TENM3: variants seen among roughly 807,000 people sequenced by gnomAD.
The protein encoded by TENM3 is teneurin transmembrane protein 3.
TENM3 carries 63 observed loss-of-function variants against 255.1 expected under a neutral mutation model. The observed-to-expected ratio is 0.25, with a 90% CI of 0.20 to 0.30. The LOEUF is 0.30. TENM3 is among the 10% of genes least tolerant of loss of function. The pLI, the probability that TENM3 is intolerant of heterozygous loss-of-function variation, is 1.00. For synonymous variants in TENM3, 1,306 were observed against 1,322.3 expected (o/e 0.99, Z 0.27); for missense variants, 2,929 against 3,461.1 (o/e 0.85, Z 3.86).
intron 3 of TENM3, among the ~76,000 whole-genome samples, chr4:182,431,998 C>A (rs989346269): frequency 6.6e-6 from 1 of 151,104 alleles, no homozygotes; most frequent in Non-Finnish European, 1.5e-5. Context: ...ATCGCTTGAA[C>A]CTGGGAGGTG....
At chr4:181,785,460 A>C in the TENM3 span, among the ~76,000 whole-genome samples, 2 of 152,152 alleles carry the variant, frequency 1.3e-5, no homozygotes, top group Non-Finnish European at 1.5e-5. Flanking sequence ...ATCCCTAAAA[A>C]GTGTGGTTCA....
the TENM3 span, among the ~76,000 whole-genome samples, chr4:182,051,478 C>T: frequency 7.3e-5 from 11 of 150,762 alleles, no homozygotes; most frequent in South Asian, 4.2e-4. Flanking sequence ...CCTGGGTTCA[C>T]GCCATTCTCC....
At chr4:182,250,246 G>A (rs928847388) in intron 1 of TENM3, among the ~76,000 whole-genome samples, 5 of 151,604 alleles carry the variant, frequency 3.3e-5, no homozygotes, top group South Asian at 2.1e-4. Flanking sequence ...TAGAGACGGG[G>A]TTTCACTGTG....
chr4:181,902,818 A>G, the TENM3 span, among the ~76,000 whole-genome samples: 1 of 152,172 alleles, frequency 6.6e-6, no homozygotes, highest in Admixed American at 6.5e-5. Context: ...AATGGGTGTT[A>G]TCCAGACACA....
intron 19 of TENM3, chr4:182,744,259 A>C: frequency 1.3e-6 from 1 of 758,554 alleles, no homozygotes; most frequent in Non-Finnish European, 1.6e-6. Context: ...ATATTTCATC[A>C]TGAGAGAGGA....
the TENM3 span, among the ~76,000 whole-genome samples, chr4:182,058,406 G>C: frequency 1.3e-5 from 2 of 151,960 alleles, no homozygotes; most frequent in South Asian, 2.1e-4. Context: ...AAGTTTTTAG[G>C]TGATATGTTG....
the TENM3 span, among the ~76,000 whole-genome samples, chr4:181,917,497 A>G: frequency 6.6e-6 from 1 of 152,126 alleles, no homozygotes; most frequent in Non-Finnish European, 1.5e-5. Flanking sequence ...CCTCAAGGGC[A>G]GAGAAGAAGC....
At chr4:181,864,853 A>G in the TENM3 span, among the ~76,000 whole-genome samples, 26 of 152,266 alleles carry the variant, frequency 1.7e-4, no homozygotes, top group Admixed American at 7.8e-4. Context: ...TCCTTTTCCC[A>G]AGACTCTGAA....
the TENM3 span, among the ~76,000 whole-genome samples, chr4:181,784,150 C>T: frequency 1.0e-3 from 143 of 139,398 alleles, no homozygotes; most frequent in Non-Finnish European, 1.7e-3. Flanking sequence ...TAAATGGAAA[C>T]GAGTCATCTG....
the TENM3 span, among the ~76,000 whole-genome samples, chr4:181,740,749 AG>A: frequency 1.3e-5 from 2 of 152,192 alleles, no homozygotes; most frequent in African/African-American, 4.8e-5. Context: ...GAAAATATCT[AG>A]GGGGGACCAC....
the TENM3 span, among the ~76,000 whole-genome samples, chr4:181,780,113 T>G: frequency 6.6e-6 from 1 of 152,208 alleles, no homozygotes; most frequent in South Asian, 2.1e-4. Context: ...GCATGTGTCT[T>G]TATAGCAGCA....
rs114882973 is a variant in TENM3, at chr4:182,184,320, T to C, written c.-76+39566T>C. Among the ~76,000 whole-genome samples, 475 of 152,272 alleles carry C rather than the reference T, an allele frequency of 3.1e-3. 3 individuals carry two copies. Among genetic ancestry groups the C allele is most frequent in the African/African-American group, 8.1e-3 (335 of 41,560 alleles). The stretch of plus-strand genomic sequence containing the variant: ...TCCACTGGGCCTCTGGGGAGTTACA[T>C]AGGATGTTTCTTTCTTTAAAGAGTT... On this transcript the variant is annotated intron_variant, in intron 1 of 2. Transcript: ENST00000512480.
At chr4:182,628,593 C>A in intron 4 of TENM3, 58 bp from the exon 5 acceptor site, 1 of 1,172,962 alleles carries the variant, frequency 8.5e-7, no homozygotes, top group Non-Finnish European at 1.2e-6. Context: ...ATCGCTGTCT[C>A]TTGTCTCTTG....
At chr4:181,581,365 T>G in the TENM3 span, among the ~76,000 whole-genome samples, 1 of 152,004 alleles carries the variant, frequency 6.6e-6, no homozygotes, top group Non-Finnish European at 1.5e-5. Flanking sequence ...CACTTGAACC[T>G]GGGAGGCGGA....
intron 1 of TENM3, among the ~76,000 whole-genome samples, chr4:182,250,265 G>C (rs1757929637): frequency 7.1e-6 from 1 of 141,120 alleles, no homozygotes; most frequent in Non-Finnish European, 1.5e-5. Flanking sequence ...TGTTAGCCAG[G>C]ATGGTCTCGA....
At chr4:181,563,051 C>T in the TENM3 span, among the ~76,000 whole-genome samples, 36 of 152,348 alleles carry the variant, frequency 2.4e-4, no homozygotes, top group East Asian at 5.8e-4. Context: ...CATATGACCG[C>T]AACTAGCTGC....
intron 1 of TENM3, among the ~76,000 whole-genome samples, chr4:182,249,079 A>G (rs909730294): frequency 6.6e-6 from 1 of 152,208 alleles, no homozygotes; most frequent in African/African-American, 2.4e-5. Context: ...GATTTTGCAG[A>G]TGAAGAAATT....
the TENM3 span, among the ~76,000 whole-genome samples, chr4:181,578,635 T>C: frequency 6.6e-6 from 1 of 152,162 alleles, no homozygotes. Context: ...TGCCACTCTA[T>C]AGTGCATAAT....
At chr4:181,653,258 A>C in the TENM3 span, among the ~76,000 whole-genome samples, 1 of 152,154 alleles carries the variant, frequency 6.6e-6, no homozygotes, top group African/African-American at 2.4e-5. Context: ...GCTAGGCCCC[A>C]ATTCCAGACT....
Sources: allele counts gnomAD v4.1 joint callset (sites outside exome capture counted in the v4.1 genomes callset), GRCh38; gene constraint gnomAD v4.1.1; transcripts MANE v1.5; gene names NCBI Gene and HGNC (gene_info 2026-07-23, HGNC 2026-07-21).